Variants in UTRN observed in about 807,000 individuals in gnomAD.
UTRN encodes dystrophin-related protein 1.
In UTRN, 283 loss-of-function variants were observed where a neutral mutation model predicts 463.9. The ratio of observed to expected loss-of-function variants is 0.61; its 90% CI spans 0.55 to 0.67. UTRN has a LOEUF of 0.67. Ranked by LOEUF, UTRN falls within the 30% of genes least tolerant of loss-of-function variation. The pLI is 0.00. For synonymous variants in UTRN, 1,442 were observed against 1,431.5 expected (o/e 1.01, Z -0.17); for missense variants, 3,922 against 4,084.3 (o/e 0.96, Z 1.08).
At chr6:144,550,189 A>G (rs1377247566) in intron 47 of UTRN, among the ~76,000 whole-genome samples, 1 of 152,182 alleles carries the variant, frequency 6.6e-6, no homozygotes, top group Non-Finnish European at 1.5e-5. Context: ...GGAAGTGATC[A>G]GTATTCATTA....
At chr6:144,662,657 T>C (rs898203665) in intron 51 of UTRN, among the ~76,000 whole-genome samples, 5 of 152,132 alleles carry the variant, frequency 3.3e-5, no homozygotes, top group Admixed American at 1.3e-4. Flanking sequence ...AAAACGAGGG[T>C]CCACTGTTGG....
intron 2 of UTRN, among the ~76,000 whole-genome samples, chr6:144,391,863 A>C (rs573606591): frequency 1.6e-4 from 25 of 152,270 alleles, no homozygotes; most frequent in African/African-American, 5.8e-4. Context: ...GATGGTCTCG[A>C]TCTCCTGACC....
chr6:144,693,901 T>C (rs1053591626), intron 52 of UTRN, among the ~76,000 whole-genome samples: 2 of 152,324 alleles, frequency 1.3e-5, no homozygotes, highest in South Asian at 4.1e-4. Context: ...TCTTTCCTGA[T>C]TGCCCTGGGC....
At chr6:144,288,342 A>C (rs551027630) in intron 1 of UTRN, among the ~76,000 whole-genome samples, 1 of 152,344 alleles carries the variant, frequency 6.6e-6, no homozygotes, top group South Asian at 2.1e-4. Flanking sequence ...AGTAGTGTGT[A>C]AACAGTTGAC....
At chr6:144,691,323 G>T (rs1183935242) in intron 52 of UTRN, among the ~76,000 whole-genome samples, 2 of 152,146 alleles carry the variant, frequency 1.3e-5, no homozygotes, top group African/African-American at 2.4e-5. Context: ...CGCCATATTG[G>T]CTGGGCTGCT....
chr6:144,802,062 G>A (rs1777747026), intron 64 of UTRN, among the ~76,000 whole-genome samples: 1 of 152,118 alleles, frequency 6.6e-6, no homozygotes, highest in Non-Finnish European at 1.5e-5. Context: ...ACAGTACAAG[G>A]GTATGTTACC....
Position 144,734,900 on chromosome 6 carries a change from G to T in UTRN, c.7939+4414G>T, listed in dbSNP as rs539199692. Among the ~76,000 whole-genome samples the T allele has an allele frequency of 5.3e-5, 8 of 152,234 alleles. No homozygotes were observed. The East Asian group carries it at 1.2e-3, about 22-fold the overall frequency. On this transcript the variant is annotated intron_variant, in intron 54 of 74. Coordinates refer to ENST00000367545, the MANE Select transcript of UTRN (RefSeq NM_007124.3). ...GGTGCCATGTTACATTTCTGACCTG[G>T]TCTCTTATTATTGTCCCTTTCGTTC...
chr6:144,690,367 G>A (rs1386919175), intron 52 of UTRN, among the ~76,000 whole-genome samples: 1 of 151,840 alleles, frequency 6.6e-6, no homozygotes, highest in Non-Finnish European at 1.5e-5. Context: ...CCTGCACTTG[G>A]CAAGGCAGGT....
chr6:144,386,385 GA>G (rs1218058394), intron 2 of UTRN, among the ~76,000 whole-genome samples: 2 of 152,136 alleles, frequency 1.3e-5, no homozygotes, highest in African/African-American at 4.8e-5. Context: ...TTGAGCCTCG[GA>G]AGTTGAAGGC....
At chr6:144,618,238 A>G (rs1806347639) in intron 51 of UTRN, among the ~76,000 whole-genome samples, 1 of 152,154 alleles carries the variant, frequency 6.6e-6, no homozygotes, top group Admixed American at 6.6e-5. Flanking sequence ...TGGGATATCC[A>G]CTGGAGGTTT....
chr6:144,360,778 T>C (rs191599479), intron 2 of UTRN, among the ~76,000 whole-genome samples: 3 of 152,292 alleles, frequency 2.0e-5, no homozygotes, highest in South Asian at 4.1e-4. Flanking sequence ...CCCAGTTGGG[T>C]TGTGATCGAA....
intron 3 of UTRN, among the ~76,000 whole-genome samples, chr6:144,405,565 T>C (rs1005199513): frequency 6.6e-6 from 1 of 152,056 alleles, no homozygotes; most frequent in Non-Finnish European, 1.5e-5. Flanking sequence ...TACATTGTGG[T>C]GGGTTTTACA....
intron 51 of UTRN, among the ~76,000 whole-genome samples, chr6:144,599,425 G>A (rs1348811202): frequency 6.6e-6 from 1 of 152,144 alleles, no homozygotes; most frequent in Non-Finnish European, 1.5e-5. Flanking sequence ...ACCTTTAACT[G>A]TGAGGAGTGA....
intron 2 of UTRN, among the ~76,000 whole-genome samples, chr6:144,339,530 G>T (rs1211274495): frequency 2.0e-5 from 3 of 151,956 alleles, no homozygotes; most frequent in South Asian, 4.2e-4. Flanking sequence ...TGGATGAAGG[G>T]AACATGAGAA....
chr6:144,613,911 T>C (rs1275845103), intron 51 of UTRN, among the ~76,000 whole-genome samples: 1 of 152,078 alleles, frequency 6.6e-6, no homozygotes, highest in Non-Finnish European at 1.5e-5. Context: ...TGCAAACATA[T>C]ATATTTTCAA....
At chr6:144,566,647 C>T (rs1307432047) in intron 50 of UTRN, among the ~76,000 whole-genome samples, 1 of 152,066 alleles carries the variant, frequency 6.6e-6, no homozygotes, top group Non-Finnish European at 1.5e-5. Context: ...AGGCAGTGGT[C>T]AACCTCTATA....
chr6:144,494,681 T>C (rs894962527), intron 33 of UTRN, among the ~76,000 whole-genome samples: 3 of 151,970 alleles, frequency 2.0e-5, no homozygotes, highest in Admixed American at 2.0e-4. Context: ...AGGTTCTCCA[T>C]GTCCCCACCA....
intron 2 of UTRN, among the ~76,000 whole-genome samples, chr6:144,333,797 T>TA (rs1382155647): frequency 6.6e-6 from 1 of 152,244 alleles, no homozygotes; most frequent in African/African-American, 2.4e-5. Context: ...GGGAAAAAGA[T>TA]ACACTTATAT....
rs1776979754 is a variant in UTRN at position 144,793,859 on chromosome 6, A to G, written c.8946A>G (p.Pro2982=). 2.5e-6 allele frequency: 4 copies of G among 1,614,010 alleles called. No homozygotes were observed. Among genetic ancestry groups the G allele is most frequent in the African/African-American group, 1.3e-5 (1 of 74,930 alleles). Residue 2982 remains proline, a synonymous_variant, in exon 63 of 75, where the codon CCA becomes CCG. Coordinates refer to ENST00000367545, the MANE Select transcript of UTRN (RefSeq NM_007124.3). The stretch of plus-strand genomic sequence containing the variant: ...ATCTCTTTAAGGAAGTTGCAGGGCC[A>G]ACAGAAATGTGTGACCAGAGGCAGC... ...YRYLFKEVAG[P]TEMCDQRQLG... is the part of the protein sequence containing the mutation.
Sources: allele counts gnomAD v4.1 joint callset (sites outside exome capture counted in the v4.1 genomes callset), GRCh38; gene constraint gnomAD v4.1.1; transcripts MANE v1.5; gene names NCBI Gene and HGNC (gene_info 2026-07-23, HGNC 2026-07-21).